Variants in PDE1A observed in about 807,000 individuals in gnomAD.
The protein encoded by PDE1A is dual specificity calcium/calmodulin-dependent 3',5'-cyclic nucleotide phosphodiesterase 1A.
In PDE1A, 35 loss-of-function variants were observed where a neutral mutation model predicts 61.7. That is an observed-to-expected ratio of 0.57 (90% confidence interval 0.43 to 0.75). The LOEUF is 0.75. Among genes scored for constraint, PDE1A ranks in the 30% least tolerant of loss-of-function variants. PDE1A has a pLI of 0.00. For synonymous variants in PDE1A, 232 were observed against 213.2 expected (o/e 1.09, Z -0.77); for missense variants, 597 against 630.6 (o/e 0.95, Z 0.57).
chr2:182,403,058 C>T (rs1442979197), intron 1 of PDE1A, among the ~76,000 whole-genome samples: 1 of 150,008 alleles, frequency 6.7e-6, no homozygotes, highest in Non-Finnish European at 1.5e-5. Context: ...AATAGGAATG[C>T]TTTTACAGTG....
chr2:182,461,013 T>G (rs1686248062), intron 2 of PDE1A, among the ~76,000 whole-genome samples: 1 of 152,114 alleles, frequency 6.6e-6, no homozygotes, highest in Admixed American at 6.5e-5. Flanking sequence ...TAAATAAGCT[T>G]CTTTACTATT....
chr2:182,696,929 C>T, the PDE1A span, among the ~76,000 whole-genome samples: 1 of 152,106 alleles, frequency 6.6e-6, no homozygotes, highest in Non-Finnish European at 1.5e-5. Context: ...ATAAGTATTT[C>T]TCAGGACAAA....
At chr2:182,670,809 T>C in the PDE1A span, among the ~76,000 whole-genome samples, 5 of 152,128 alleles carry the variant, frequency 3.3e-5, no homozygotes, top group African/African-American at 1.2e-4. Context: ...TGAGAGTCAC[T>C]ATTTCTTTTA....
rs16822903 is a variant in PDE1A, at chr2:182,230,782, A to G, written c.534+233T>C. ...TGTGAATAAGTCAGGGGATATTGGCATCTTGCTGGAATGAGGCTATAGTGG... is the reference window on the plus strand; with the variant it reads ...TGTGAATAAGTCAGGGGATATTGGCGTCTTGCTGGAATGAGGCTATAGTGG... On this transcript the variant is annotated intron_variant, in intron 5 of 13. Transcript: ENST00000351439. Among the ~76,000 whole-genome samples the G allele has an allele frequency of 0.018, 2,703 of 152,244 alleles. 103 individuals are homozygous for G. The highest frequency in any genetic ancestry group is 0.066 in the East Asian group (339 of 5,172).
At chr2:182,201,696 C>T (rs1303653713) in exon 9 of PDE1A, 4 of 1,596,338 alleles carry the variant, frequency 2.5e-6, no homozygotes, top group African/African-American at 2.7e-5. Flanking sequence ...ACCCTTCAGG[C>T]TGCTGCAAAC....
intron 1 of PDE1A, among the ~76,000 whole-genome samples, chr2:182,326,705 T>C (rs1205637815): frequency 6.6e-6 from 1 of 152,222 alleles, no homozygotes; most frequent in East Asian, 1.9e-4. Context: ...TTTAAGCTGG[T>C]AAATTTTATG....
intron 1 of PDE1A, among the ~76,000 whole-genome samples, chr2:182,287,711 A>T (rs1694260031): frequency 6.6e-6 from 1 of 152,162 alleles, no homozygotes; most frequent in African/African-American, 2.4e-5. Context: ...ACTAAGAAAC[A>T]AACTGGTCAA....
intron 2 of PDE1A, among the ~76,000 whole-genome samples, chr2:182,470,202 G>T (rs1686939873): frequency 6.6e-6 from 1 of 151,842 alleles, no homozygotes; most frequent in African/African-American, 2.4e-5. Flanking sequence ...GTAATGAAAT[G>T]AGGTGTTTAT....
the PDE1A span, among the ~76,000 whole-genome samples, chr2:182,685,584 C>T: frequency 6.6e-6 from 1 of 152,106 alleles, no homozygotes; most frequent in Admixed American, 6.6e-5. Context: ...ACAATCAGTG[C>T]TTGCTATTAT....
chr2:182,705,563 T>C, the PDE1A span, among the ~76,000 whole-genome samples: 7 of 151,770 alleles, frequency 4.6e-5, no homozygotes, highest in East Asian at 1.4e-3. Flanking sequence ...TGGAGTGGAG[T>C]GCAGTTGTGT....
At chr2:182,186,654 AT>A in intron 11 of PDE1A, 66 bp from the exon 12 acceptor site, 1 of 1,475,580 alleles carries the variant, frequency 6.8e-7, no homozygotes. Context: ...GAATTCTGAA[AT>A]CAGAAATAAT....
At chr2:182,635,585 G>A in the PDE1A span, among the ~76,000 whole-genome samples, 1 of 151,970 alleles carries the variant, frequency 6.6e-6, no homozygotes, top group African/African-American at 2.4e-5. Flanking sequence ...TCTGTCACCA[G>A]TCTAGCTTAT....
the PDE1A span, among the ~76,000 whole-genome samples, chr2:182,537,954 C>T: frequency 1.3e-5 from 2 of 152,080 alleles, no homozygotes; most frequent in African/African-American, 4.8e-5. Flanking sequence ...GACTGAAGCT[C>T]TTGAAGGTTT....
chr2:182,164,862 T>C (rs996323222), downstream of PDE1A, among the ~76,000 whole-genome samples: 1 of 152,180 alleles, frequency 6.6e-6, no homozygotes, highest in African/African-American at 2.4e-5. Context: ...CATACAATGC[T>C]ATTGCCAAAA....
chr2:182,252,053 T>G (rs978057954), intron 2 of PDE1A, among the ~76,000 whole-genome samples: 4 of 152,170 alleles, frequency 2.6e-5, no homozygotes, highest in Admixed American at 2.0e-4. Context: ...CCAAACAGAA[T>G]AGCAAAATAA....
chr2:182,428,702 A>G (rs988562760), upstream of PDE1A, among the ~76,000 whole-genome samples: 1 of 152,076 alleles, frequency 6.6e-6, no homozygotes, highest in South Asian at 2.1e-4. Context: ...GTCTTCTGGG[A>G]GGGATTTTGC....
chr2:182,501,166 C>A (rs1384542496), intron 2 of PDE1A, among the ~76,000 whole-genome samples: 1 of 152,156 alleles, frequency 6.6e-6, no homozygotes, highest in South Asian at 2.1e-4. Flanking sequence ...AGAGGCACAA[C>A]GACCCTTATA....
chr2:182,282,106 C>G (rs1223848489), intron 1 of PDE1A, among the ~76,000 whole-genome samples: 1 of 151,796 alleles, frequency 6.6e-6, no homozygotes, highest in Non-Finnish European at 1.5e-5. Flanking sequence ...CCAGTTAACT[C>G]TGGTTTCTCA....
intron 13 of PDE1A, among the ~76,000 whole-genome samples, chr2:182,173,991 TG>T (rs3835909): frequency 0.2 from 31,053 of 151,890 alleles, 3,402 homozygotes; most frequent in East Asian, 0.33. Flanking sequence ...TATGGAAGAG[TG>T]AGGCCCACTG....
Sources: allele counts gnomAD v4.1 joint callset (sites outside exome capture counted in the v4.1 genomes callset), GRCh38; gene constraint gnomAD v4.1.1; transcripts MANE v1.5; gene names NCBI Gene and HGNC (gene_info 2026-07-23, HGNC 2026-07-21).